The following CNTNAP2 variants were observed in gnomAD, a reference collection of about 807,000 sequenced individuals.
The protein encoded by CNTNAP2 is contactin associated protein 2, also known as contactin-associated protein-like 2.
A neutral mutation model predicts 155.2 loss-of-function variants in CNTNAP2; 98 were observed. The observed-to-expected ratio is 0.63, with a 90% CI of 0.54 to 0.75. The LOEUF is 0.75. CNTNAP2 is among the 30% of genes least tolerant of loss of function. The probability of loss-of-function intolerance (pLI) is 0.00; values close to 1 mark genes in which losing one functional copy is unlikely to be tolerated. For synonymous variants in CNTNAP2, 651 were observed against 631.2 expected (o/e 1.03, Z -0.47); for missense variants, 1,727 against 1,688.1 (o/e 1.02, Z -0.40).
At chr7:146,583,147 G>T (rs996480806) in intron 1 of CNTNAP2, among the ~76,000 whole-genome samples, 2 of 151,978 alleles carry the variant, frequency 1.3e-5, no homozygotes, top group Non-Finnish European at 2.9e-5. Context: ...ATGTCTAATA[G>T]AAAGAAAAGA....
At chr7:147,850,560 G>C (rs1283720360) in intron 13 of CNTNAP2, among the ~76,000 whole-genome samples, 2 of 152,198 alleles carry the variant, frequency 1.3e-5, no homozygotes, top group Non-Finnish European at 2.9e-5. Flanking sequence ...CATGGTACTG[G>C]TGCCAAAACA....
Position 147,238,602 on chromosome 7 carries a change from G to C in CNTNAP2, c.1349-61539G>C, listed in dbSNP as rs181901340. Among the ~76,000 whole-genome samples, 410 of 151,630 alleles carry C rather than the reference G, an allele frequency of 2.7e-3. 1 individual carries two copies. Among genetic ancestry groups the C allele is most frequent in the African/African-American group, 9.3e-3 (384 of 41,326 alleles). On this transcript the variant is annotated intron_variant, in intron 8 of 23. Coordinates refer to ENST00000361727, the MANE Select transcript of CNTNAP2 (RefSeq NM_014141.6). ...TGTTAGCCAACTCTCCTGCTTAATC[G>C]TCCCATTGAGAATATATTTTATTTC... is the stretch of plus-strand genomic sequence containing the variant.
Position 148,415,988 on chromosome 7 carries a change from G to T in CNTNAP2, c.*372G>T. Reference sequence around the variant, plus strand: ...CGTTTTTAAGAGCCCTTAGAACGTGGGTATTTTTTTTCTTGAGAAAAGCTA... The same window carrying T: ...CGTTTTTAAGAGCCCTTAGAACGTGTGTATTTTTTTTCTTGAGAAAAGCTA... On this transcript the variant is annotated 3_prime_UTR_variant, in exon 24 of 24. Transcript: ENST00000361727. The T allele has an allele frequency of 4.1e-6, 1 of 243,722 alleles. No individual in the cohort carries two copies. Among genetic ancestry groups the T allele is most frequent in the East Asian group, 9.4e-5 (1 of 10,636 alleles). 15.1% of individuals were successfully genotyped at this position (243,722 alleles called of 1,614,324 possible). A position where few individuals can be genotyped will look rare whatever the true frequency, so the allele number is the denominator to read the frequency against.
At chr7:147,376,016 G>A (rs1796427328) in intron 9 of CNTNAP2, among the ~76,000 whole-genome samples, 1 of 152,042 alleles carries the variant, frequency 6.6e-6, no homozygotes, top group African/African-American at 2.4e-5. Flanking sequence ...CATTGGGGCT[G>A]AGGATAGCTT....
chr7:148,025,595 T>A (rs1428396423), intron 15 of CNTNAP2, among the ~76,000 whole-genome samples: 1 of 152,252 alleles, frequency 6.6e-6, no homozygotes, highest in Non-Finnish European at 1.5e-5. Context: ...CAGGCTGCTA[T>A]ACAAATACTT....
chr7:146,211,946 CATAG>C lies in CNTNAP2; in HGVS notation c.97+94981_97+94984del, dbSNP rs1016527568. Among the ~76,000 whole-genome samples, 63 of 151,846 alleles carry C rather than the reference CATAG, an allele frequency of 4.1e-4. 1 individual carries two copies. The highest frequency in any genetic ancestry group is 1.2e-3 in the African/African-American group (49 of 41,408). On this transcript the variant is annotated intron_variant, in intron 1 of 23. Coordinates refer to ENST00000361727, the MANE Select transcript of CNTNAP2 (RefSeq NM_014141.6). ...TGACTATGAATAATAATAATTCATCCATAGATAGATACAGCTTTTCTGGTCTGTA... is the reference window on the plus strand; with the variant it reads ...TGACTATGAATAATAATAATTCATCCATAGATACAGCTTTTCTGGTCTGTA...
chr7:146,789,619 C>A (rs1229083196), intron 2 of CNTNAP2, among the ~76,000 whole-genome samples: 1 of 149,656 alleles, frequency 6.7e-6, no homozygotes, highest in African/African-American at 2.4e-5. Flanking sequence ...AAAGACAAAC[C>A]TGTACTCTAA....
At chr7:146,299,426 A>G (rs1800568580) in intron 1 of CNTNAP2, among the ~76,000 whole-genome samples, 1 of 152,098 alleles carries the variant, frequency 6.6e-6, no homozygotes, top group African/African-American at 2.4e-5. Context: ...TTAGAGTTGG[A>G]GTCACGGAGT....
intron 1 of CNTNAP2, among the ~76,000 whole-genome samples, chr7:146,321,887 T>C (rs1457555427): frequency 1.3e-5 from 2 of 152,194 alleles, no homozygotes; most frequent in Non-Finnish European, 2.9e-5. Flanking sequence ...CTCCATTATT[T>C]CTTTTTTTCA....
At chr7:148,007,914 A>G (rs1291552849) in intron 15 of CNTNAP2, among the ~76,000 whole-genome samples, 1 of 152,212 alleles carries the variant, frequency 6.6e-6, no homozygotes, top group Non-Finnish European at 1.5e-5. Flanking sequence ...GTCCGCCACC[A>G]AAGATGTCCA....
At chr7:148,366,638 A>G (rs1052975834) in intron 21 of CNTNAP2, among the ~76,000 whole-genome samples, 1 of 152,250 alleles carries the variant, frequency 6.6e-6, no homozygotes, top group African/African-American at 2.4e-5. Context: ...TTTGAAGACA[A>G]TAACTATTTT....
intron 13 of CNTNAP2, among the ~76,000 whole-genome samples, chr7:147,807,992 A>AAAT (rs1798120309): frequency 4.6e-5 from 7 of 150,554 alleles, no homozygotes; most frequent in Non-Finnish European, 7.5e-5. Flanking sequence ...TTTTTAAAAA[A>AAAT]AAAAAATAAA....
chr7:148,370,206 G>C (rs1188213741), intron 21 of CNTNAP2, among the ~76,000 whole-genome samples: 1 of 152,164 alleles, frequency 6.6e-6, no homozygotes, highest in Non-Finnish European at 1.5e-5. Flanking sequence ...CTCAGCTCTA[G>C]ACTGAGGCAG....
intron 1 of CNTNAP2, among the ~76,000 whole-genome samples, chr7:146,485,238 C>T (rs1314499355): frequency 5.3e-5 from 8 of 151,444 alleles, no homozygotes; most frequent in Admixed American, 3.9e-4. Flanking sequence ...AAAAAAATCA[C>T]CATCATCAAG....
chr7:147,396,562 A>G (rs1796820090), intron 10 of CNTNAP2, among the ~76,000 whole-genome samples: 2 of 152,020 alleles, frequency 1.3e-5, no homozygotes, highest in African/African-American at 4.8e-5. Context: ...TTTTAATAAA[A>G]ACTTTAATTG....
intron 15 of CNTNAP2, among the ~76,000 whole-genome samples, chr7:148,089,759 C>T (rs1053929804): frequency 6.6e-6 from 1 of 151,580 alleles, no homozygotes; most frequent in Non-Finnish European, 1.5e-5. Context: ...ATTCCAATAA[C>T]ATTTTTTACA....
chr7:146,858,125 C>T (rs999727225), intron 3 of CNTNAP2, among the ~76,000 whole-genome samples: 1 of 152,156 alleles, frequency 6.6e-6, no homozygotes, highest in Non-Finnish European at 1.5e-5. Flanking sequence ...AGATCTTGTT[C>T]TGGAAAAATC....
At chr7:147,732,238 C>A (rs1298798330) in intron 13 of CNTNAP2, among the ~76,000 whole-genome samples, 1 of 122,484 alleles carries the variant, frequency 8.2e-6, no homozygotes, top group East Asian at 3.0e-4. Flanking sequence ...CTTCCTGTGT[C>A]CAAGTGTTCT....
intron 21 of CNTNAP2, among the ~76,000 whole-genome samples, chr7:148,368,620 A>G (rs1798826719): frequency 6.6e-6 from 1 of 152,218 alleles, no homozygotes. Flanking sequence ...TCAGACACCA[A>G]GTTAAAGAAG....
Sources: allele counts gnomAD v4.1 joint callset (sites outside exome capture counted in the v4.1 genomes callset), GRCh38; gene constraint gnomAD v4.1.1; transcripts MANE v1.5; gene names NCBI Gene and HGNC (gene_info 2026-07-23, HGNC 2026-07-21).